The following ADAMTS19 variants were observed in gnomAD, a reference collection of about 807,000 sequenced individuals.
The protein encoded by ADAMTS19 is A disintegrin and metalloproteinase with thrombospondin motifs 19.
In ADAMTS19, 93 loss-of-function variants were observed where a neutral mutation model predicts 153.3. The observed-to-expected ratio is 0.61, with a 90% CI of 0.51 to 0.72. ADAMTS19 has a LOEUF of 0.72. Among genes scored for constraint, ADAMTS19 ranks in the 30% least tolerant of loss-of-function variants. The probability of loss-of-function intolerance (pLI) is 0.00; values close to 1 mark genes in which losing one functional copy is unlikely to be tolerated. For missense variants in ADAMTS19, 1,482 were observed against 1,552.1 expected, an observed-to-expected ratio of 0.95 and a Z score of 0.76; for synonymous variants, 600 against 556.6, an observed-to-expected ratio of 1.08 and a Z score of -1.10.
chr5:129,496,524 A>G (rs1328687881), intron 2 of ADAMTS19, among the ~76,000 whole-genome samples: 2 of 152,028 alleles, frequency 1.3e-5, no homozygotes, highest in Admixed American at 6.6e-5. Flanking sequence ...TCTTGTTTCC[A>G]TGGTAAAATG....
chr5:129,681,241 G>T (rs1463768603), intron 17 of ADAMTS19, among the ~76,000 whole-genome samples: 1 of 152,186 alleles, frequency 6.6e-6, no homozygotes, highest in Non-Finnish European at 1.5e-5. Context: ...TGATTCATTT[G>T]ATTTGGGGCA....
At chr5:129,659,609 G>A (rs1753736639) in intron 15 of ADAMTS19, among the ~76,000 whole-genome samples, 1 of 152,068 alleles carries the variant, frequency 6.6e-6, no homozygotes, top group South Asian at 2.1e-4. Context: ...CTTTTTGAGA[G>A]AGTGTTACTC....
At chr5:129,701,147 C>T (rs1319568516) in intron 19 of ADAMTS19, among the ~76,000 whole-genome samples, 3 of 150,490 alleles carry the variant, frequency 2.0e-5, no homozygotes, top group Non-Finnish European at 4.4e-5. Flanking sequence ...TATAAAGGGG[C>T]ATTCCCCTGC....
At chr5:129,603,915 C>A (rs1023433507) in intron 8 of ADAMTS19, among the ~76,000 whole-genome samples, 2 of 152,180 alleles carry the variant, frequency 1.3e-5, no homozygotes, top group African/African-American at 2.4e-5. Context: ...GTTCTTCTAG[C>A]TAACTTTACT....
At chr5:129,680,868 C>T (rs894951023) in intron 17 of ADAMTS19, among the ~76,000 whole-genome samples, 4 of 152,000 alleles carry the variant, frequency 2.6e-5, no homozygotes, top group African/African-American at 9.7e-5. Context: ...GGTCCATGTG[C>T]CCCTTTTGAC....
At chr5:129,466,207 G>A (rs1749851720) in intron 2 of ADAMTS19, among the ~76,000 whole-genome samples, 1 of 152,152 alleles carries the variant, frequency 6.6e-6, no homozygotes, top group Non-Finnish European at 1.5e-5. Flanking sequence ...CTTGCACTGA[G>A]TCAAAGGTCC....
At chr5:129,646,049 C>T (rs1340077134) in intron 11 of ADAMTS19, among the ~76,000 whole-genome samples, 7 of 149,600 alleles carry the variant, frequency 4.7e-5, no homozygotes, top group Admixed American at 1.3e-4. Flanking sequence ...CCACTACGCC[C>T]GGCTAATTTT....
intron 7 of ADAMTS19, among the ~76,000 whole-genome samples, chr5:129,579,142 C>T (rs543472461): frequency 3.4e-4 from 51 of 152,202 alleles, no homozygotes; most frequent in South Asian, 6.2e-4. Flanking sequence ...TTCTAACTGG[C>T]GTGAGATAGT....
chr5:129,543,075 G>A (rs985048958), intron 6 of ADAMTS19, among the ~76,000 whole-genome samples: 3 of 148,514 alleles, frequency 2.0e-5, no homozygotes, highest in Non-Finnish European at 3.0e-5. Context: ...TTAAGAAGGA[G>A]TTTTGCTCTT....
intron 22 of ADAMTS19, among the ~76,000 whole-genome samples, chr5:129,735,491 CT>C (rs142904198): frequency 0.022 from 3,303 of 151,956 alleles, 114 homozygotes; most frequent in African/African-American, 0.074. Flanking sequence ...GATAGCCTTC[CT>C]TGTGATCTGG....
intron 16 of ADAMTS19, among the ~76,000 whole-genome samples, chr5:129,666,372 T>G (rs1033589746): frequency 6.6e-6 from 1 of 152,142 alleles, no homozygotes; most frequent in Non-Finnish European, 1.5e-5. Context: ...ACACTGTGTT[T>G]GTATTATCTT....
chr5:129,658,315 AAGAAAG>A (rs1753643829), intron 14 of ADAMTS19, among the ~76,000 whole-genome samples: 10 of 39,142 alleles, frequency 2.6e-4, no homozygotes, highest in Non-Finnish European at 3.2e-4. Context: ...AAGAAAAAGA[AAGAAAG>A]AAAGAAAGAA....
intron 11 of ADAMTS19, among the ~76,000 whole-genome samples, chr5:129,645,885 A>ATTTTTTTTTTTTTTTTTGTTTTT (rs1753036839): frequency 3.1e-5 from 3 of 97,100 alleles, no homozygotes; most frequent in Non-Finnish European, 3.9e-5. Flanking sequence ...TCCTTTTCCA[A>ATTTTTTTTTTTTTTTTTGTTTTT]TTTTTTTTTT....
intron 13 of ADAMTS19, among the ~76,000 whole-genome samples, chr5:129,651,303 C>T (rs1753304718): frequency 6.6e-6 from 1 of 152,186 alleles, no homozygotes; most frequent in Admixed American, 6.5e-5. Context: ...TAAGACCAAA[C>T]TCATGATCAT....
chr5:129,623,845 G>C (rs1751895337), intron 10 of ADAMTS19, among the ~76,000 whole-genome samples: 1 of 147,522 alleles, frequency 6.8e-6, no homozygotes, highest in Non-Finnish European at 1.5e-5. Flanking sequence ...TATGGACCAG[G>C]CGAGGTGGCT....
Position 129,607,105 on chromosome 5 carries a change from C to G in ADAMTS19, c.1478+10441C>G, listed in dbSNP as rs373068670. 2.6e-5 allele frequency among the ~76,000 whole-genome samples: 4 copies of G among 152,070 alleles called. No homozygotes were observed. In the East Asian group the frequency reaches 5.8e-4, roughly 22 times the overall value. ...GCTAATTTTGTATTTTTAGTAGAGA[C>G]AGGGTTTCACCGTGTTGGCCAGGCT... On this transcript the variant is annotated intron_variant, in intron 8 of 22. Transcript: ENST00000274487.
chr5:129,669,059 G>T (rs147339855), intron 16 of ADAMTS19, among the ~76,000 whole-genome samples: 1 of 151,128 alleles, frequency 6.6e-6, no homozygotes, highest in Non-Finnish European at 1.5e-5. Flanking sequence ...CAATGGAAAA[G>T]ATTAGAAAGT....
chr5:129,488,590 C>G (rs956128484), intron 2 of ADAMTS19, among the ~76,000 whole-genome samples: 1 of 152,000 alleles, frequency 6.6e-6, no homozygotes, highest in Non-Finnish European at 1.5e-5. Flanking sequence ...TTTATAGTCT[C>G]AGTTTACTAC....
At chr5:129,611,681 G>A (rs1006755792) in intron 8 of ADAMTS19, among the ~76,000 whole-genome samples, 1 of 152,050 alleles carries the variant, frequency 6.6e-6, no homozygotes, top group Non-Finnish European at 1.5e-5. Flanking sequence ...ATGCTGTTTT[G>A]GTTACTGTAG....
Sources: allele counts gnomAD v4.1 joint callset (sites outside exome capture counted in the v4.1 genomes callset), GRCh38; gene constraint gnomAD v4.1.1; transcripts MANE v1.5; gene names NCBI Gene and HGNC (gene_info 2026-07-23, HGNC 2026-07-21).